The following LRRK2 variants were observed in gnomAD, a reference collection of about 807,000 sequenced individuals.
The protein encoded by LRRK2 is leucine rich repeat kinase 2, also known as leucine-rich repeat serine/threonine-protein kinase 2.
In LRRK2, 203 loss-of-function variants were observed where a neutral mutation model predicts 302.6. The ratio of observed to expected loss-of-function variants is 0.67; its 90% CI spans 0.60 to 0.75. The LOEUF (loss-of-function observed/expected upper bound fraction) is 0.75. Ranked by LOEUF, LRRK2 falls within the 30% of genes least tolerant of loss-of-function variation. The probability of loss-of-function intolerance (pLI) is 0.00; values close to 1 mark genes in which losing one functional copy is unlikely to be tolerated. For synonymous variants in LRRK2, 1,066 were observed against 1,031.9 expected (o/e 1.03, Z -0.63); for missense variants, 2,830 against 2,951.0 (o/e 0.96, Z 0.95).
chr12:40,330,590 T>G (rs1945684400), intron 39 of LRRK2, among the ~76,000 whole-genome samples: 1 of 152,304 alleles, frequency 6.6e-6, no homozygotes, highest in Admixed American at 6.5e-5. Context: ...TATTTATTAT[T>G]TCCTCCCTAA....
At chr12:40,297,916 T>A (rs904153061) in intron 23 of LRRK2, among the ~76,000 whole-genome samples, 14 of 152,204 alleles carry the variant, frequency 9.2e-5, no homozygotes, top group Admixed American at 1.3e-4. Flanking sequence ...GTTAAATCAT[T>A]AATTCAAATA....
intron 5 of LRRK2, 120 bp downstream of exon 5, chr12:40,238,223 T>C (rs1941560554): frequency 1.9e-6 from 2 of 1,039,474 alleles, no homozygotes; most frequent in Non-Finnish European, 2.8e-6. Flanking sequence ...TATTAAGAAG[T>C]GGGAGTTGTC....
chr12:40,272,453 G>C (rs144168666), intron 14 of LRRK2, among the ~76,000 whole-genome samples: 1 of 152,092 alleles, frequency 6.6e-6, no homozygotes, highest in African/African-American at 2.4e-5. Context: ...ATAGTGTGTC[G>C]ACATCACAAA....
chr12:40,253,322 A>G (rs1008888838), intron 11 of LRRK2, among the ~76,000 whole-genome samples: 5 of 152,058 alleles, frequency 3.3e-5, no homozygotes, highest in Non-Finnish European at 4.4e-5. Flanking sequence ...ACCAAATTTT[A>G]TTTATTCTCT....
intron 41 of LRRK2, among the ~76,000 whole-genome samples, chr12:40,344,828 A>G (rs183383051): frequency 2.2e-4 from 33 of 152,244 alleles, no homozygotes; most frequent in African/African-American, 7.5e-4. Flanking sequence ...TGTATCTGTA[A>G]CAATATAGTA....
At chr12:40,309,356 TAAA>T (rs1944957584) in intron 30 of LRRK2, 123 bp downstream of exon 30, 4 of 1,251,648 alleles carry the variant, frequency 3.2e-6, no homozygotes, top group Non-Finnish European at 4.3e-6. Flanking sequence ...AATACTTTCT[TAAA>T]AGAAGCACTA....
intron 43 of LRRK2, among the ~76,000 whole-genome samples, chr12:40,349,628 C>A (rs1946296035): frequency 6.6e-6 from 1 of 152,144 alleles, no homozygotes; most frequent in South Asian, 2.1e-4. Flanking sequence ...CTCAAGTGAT[C>A]CTGTCGCCTC....
At chr12:40,273,880 T>G (rs1943337418) in intron 14 of LRRK2, among the ~76,000 whole-genome samples, 1 of 152,098 alleles carries the variant, frequency 6.6e-6, no homozygotes, top group Admixed American at 6.6e-5. Context: ...GACAAAGAAG[T>G]GACCTCTAGT....
In LRRK2 at chr12:40,225,098, C is replaced by G. The variant is rs752886290; in HGVS notation, c.-34C>G. Reference sequence around the variant, plus strand: ...GTTCCCTGAGCAGCGGACGTTCATGCTGGGAGGGCGGCGGGTTGGAAGCAG... The same window carrying G: ...GTTCCCTGAGCAGCGGACGTTCATGGTGGGAGGGCGGCGGGTTGGAAGCAG... On this transcript the variant is annotated 5_prime_UTR_variant, in exon 1 of 51. Transcript: ENST00000298910. The G allele has an allele frequency of 6.2e-7, 1 of 1,612,462 alleles. No individual in the cohort carries two copies.
At chr12:40,336,419 C>G (rs888542683) in intron 40 of LRRK2, among the ~76,000 whole-genome samples, 8 of 152,094 alleles carry the variant, frequency 5.3e-5, no homozygotes, top group African/African-American at 1.9e-4. Context: ...GTCTGTCTTG[C>G]CATCAGAATC....
chr12:40,328,163 T>C (rs185217294), intron 38 of LRRK2, among the ~76,000 whole-genome samples, 197 bp from the exon 39 acceptor site: 2 of 152,098 alleles, frequency 1.3e-5, no homozygotes, highest in East Asian at 1.9e-4. Context: ...GACGGGAAGG[T>C]TAAGGACAAA....
rs17461775 is a variant in LRRK2, at chr12:40,299,912, C to T, written c.3496+655C>T. Among the ~76,000 whole-genome samples, 198 of 152,062 alleles carry T rather than the reference C, an allele frequency of 1.3e-3. No homozygotes were observed. In the East Asian group the frequency reaches 0.017, roughly 13 times the overall value. Reference sequence around the variant, plus strand: ...ATTTTCCTGTGTATCTAAAGCTGCCCTAAAAATAGTCTATAATTTAAAAAA... The same window carrying T: ...ATTTTCCTGTGTATCTAAAGCTGCCTTAAAAATAGTCTATAATTTAAAAAA... On this transcript the variant is annotated intron_variant, in intron 25 of 50. Coordinates refer to ENST00000298910, the MANE Select transcript of LRRK2 (RefSeq NM_198578.4).
chr12:40,298,805 T>G (rs1250821788), intron 24 of LRRK2, among the ~76,000 whole-genome samples: 1 of 78,046 alleles, frequency 1.3e-5, no homozygotes, highest in African/African-American at 5.2e-5. Context: ...ATATAATATA[T>G]GTATTATAAT....
intron 25 of LRRK2, among the ~76,000 whole-genome samples, chr12:40,301,393 C>T (rs1482680337): frequency 6.6e-6 from 1 of 152,096 alleles, no homozygotes; most frequent in Non-Finnish European, 1.5e-5. Context: ...CACAGCACTC[C>T]AGCCTGGCGA....
intron 38 of LRRK2, among the ~76,000 whole-genome samples, chr12:40,326,489 GA>G (rs954834558): frequency 3.7e-5 from 5 of 133,448 alleles, no homozygotes; most frequent in South Asian, 2.5e-4. Flanking sequence ...AAAAAAAAAA[GA>G]AAAAAAAAAC....
At chr12:40,282,007 C>CCACTTCCCTT (rs1565709228) in intron 18 of LRRK2, among the ~76,000 whole-genome samples, 1 of 142,776 alleles carries the variant, frequency 7.0e-6, no homozygotes, top group East Asian at 2.1e-4. Context: ...CCCTCCCTCC[C>CCACTTCCCTT]CGCTTCCCTT....
chr12:40,258,534 A>G (rs1378791492), intron 12 of LRRK2, among the ~76,000 whole-genome samples: 1 of 152,172 alleles, frequency 6.6e-6, no homozygotes, highest in African/African-American at 2.4e-5. Flanking sequence ...TTCTCGCTGC[A>G]TGCTCTTACG....
rs1321264741 is a variant in LRRK2 at position 40,368,483 on chromosome 12, G to A, written c.*718G>A. The A allele has an allele frequency of 6.6e-6, 1 of 151,700 alleles. No individual in the cohort carries two copies. The highest frequency in any genetic ancestry group is 6.6e-5 in the Admixed American group (1 of 15,182). The allele number at this position is 151,700 out of a possible 1,614,324, so 9.4% of individuals were successfully genotyped here. ...CTGTGTCTTTCCTAGACATAATAGA[G>A]TTGTTTTTCAACTCTATGTTTGAAT... On this transcript the variant is annotated 3_prime_UTR_variant, in exon 51 of 51. Coordinates refer to ENST00000298910, the MANE Select transcript of LRRK2 (RefSeq NM_198578.4).
At chr12:40,292,538 A>G (rs1040165278) in intron 20 of LRRK2, among the ~76,000 whole-genome samples, 1 of 151,742 alleles carries the variant, frequency 6.6e-6, no homozygotes. Flanking sequence ...ATAATTATGT[A>G]ATTGTTACTA....
Sources: gnomAD v4.1 joint callset for allele counts (sites outside exome capture counted in the v4.1 genomes callset) on GRCh38, gnomAD v4.1.1 for gene constraint, MANE v1.5 for transcripts, NCBI Gene and HGNC (gene_info 2026-07-23, HGNC 2026-07-21) for gene names.